The following CPPED1 variants were observed in gnomAD, a reference collection of about 807,000 sequenced individuals.
The protein encoded by CPPED1 is serine/threonine-protein phosphatase CPPED1.
A neutral mutation model predicts 28.0 loss-of-function variants in CPPED1; 28 were observed. That is an observed-to-expected ratio of 1.00 (90% confidence interval 0.74 to 1.37). The LOEUF (loss-of-function observed/expected upper bound fraction) is 1.37, where lower values mean the gene tolerates loss of function less well. CPPED1 is among the 40% of genes most tolerant of loss of function. The pLI is 0.00. For synonymous variants in CPPED1, 198 were observed against 180.2 expected (o/e 1.10, Z -0.79); for missense variants, 504 against 416.5 (o/e 1.21, Z -1.83).
chr16:12,761,793 T>C (rs1203087238), intron 2 of CPPED1, among the ~76,000 whole-genome samples: 1 of 152,134 alleles, frequency 6.6e-6, no homozygotes, highest in Admixed American at 6.5e-5. Context: ...GGCGGATCAC[T>C]TGAAATCAGG....
At chr16:12,706,141 G>T (rs2080049039) in intron 2 of CPPED1, among the ~76,000 whole-genome samples, 1 of 151,986 alleles carries the variant, frequency 6.6e-6, no homozygotes, top group African/African-American at 2.4e-5. Flanking sequence ...CTATATTAAT[G>T]CTATGAGAAA....
intron 3 of CPPED1, among the ~76,000 whole-genome samples, chr16:12,671,401 G>C (rs1045446093): frequency 6.6e-6 from 1 of 151,988 alleles, no homozygotes; most frequent in African/African-American, 2.4e-5. Context: ...AGAGGGGTAA[G>C]GGAAAGAAAA....
chr16:12,707,444 G>A (rs999976069), intron 2 of CPPED1, among the ~76,000 whole-genome samples: 40 of 152,252 alleles, frequency 2.6e-4, no homozygotes, highest in Middle Eastern at 3.4e-3. Context: ...ACAGTGTCCT[G>A]GTCACAAACT....
chr16:12,700,229 A>C (rs1282225682), intron 3 of CPPED1, among the ~76,000 whole-genome samples: 1 of 152,192 alleles, frequency 6.6e-6, no homozygotes, highest in African/African-American at 2.4e-5. Context: ...CCAGTGGCCA[A>C]GAAGAGGTAG....
chr16:12,702,824 CTA>C (rs1454540028), intron 3 of CPPED1, among the ~76,000 whole-genome samples: 1 of 151,910 alleles, frequency 6.6e-6, no homozygotes, highest in East Asian at 1.9e-4. Flanking sequence ...CATGGTGAAA[CTA>C]AACCTGGCCA....
chr16:12,755,179 T>C (rs986099704), intron 2 of CPPED1, among the ~76,000 whole-genome samples: 4 of 152,126 alleles, frequency 2.6e-5, no homozygotes, highest in Non-Finnish European at 5.9e-5. Context: ...CCTTCTGGCA[T>C]TGGAATTGCA....
chr16:12,697,155 G>A (rs1265964648), intron 3 of CPPED1, among the ~76,000 whole-genome samples: 2 of 152,100 alleles, frequency 1.3e-5, no homozygotes, highest in East Asian at 3.9e-4. Context: ...CTCCCAAGTA[G>A]CTAGGACTAC....
chr16:12,801,486 A>G (rs1449667741), intron 1 of CPPED1, among the ~76,000 whole-genome samples: 1 of 151,886 alleles, frequency 6.6e-6, no homozygotes, highest in Non-Finnish European at 1.5e-5. Context: ...GTAACAGGGA[A>G]CTCTCATATA....
At chr16:12,671,648 C>T (rs913960279) in intron 3 of CPPED1, among the ~76,000 whole-genome samples, 37 of 152,306 alleles carry the variant, frequency 2.4e-4, no homozygotes, top group African/African-American at 8.4e-4. Flanking sequence ...GAAACAGCTA[C>T]AGTCACGTGC....
chr16:12,755,191 C>A (rs2080357260), intron 2 of CPPED1, among the ~76,000 whole-genome samples: 1 of 151,686 alleles, frequency 6.6e-6, no homozygotes, highest in South Asian at 2.1e-4. Context: ...GGAATTGCAT[C>A]ATTTTTATGA....
intron 3 of CPPED1, among the ~76,000 whole-genome samples, chr16:12,666,612 G>C (rs1485678442): frequency 6.6e-6 from 1 of 152,162 alleles, no homozygotes; most frequent in African/African-American, 2.4e-5. Context: ...AAGTTGCCAA[G>C]GTGATGTCAC....
chr16:12,785,244 T>C (rs1238075204), intron 1 of CPPED1, among the ~76,000 whole-genome samples: 2 of 152,152 alleles, frequency 1.3e-5, no homozygotes, highest in African/African-American at 4.8e-5. Context: ...TGAAAGTGAA[T>C]TGTGTTTTTT....
chr16:12,773,026 C>T (rs1024677009), intron 2 of CPPED1, among the ~76,000 whole-genome samples: 2 of 152,186 alleles, frequency 1.3e-5, no homozygotes, highest in African/African-American at 4.8e-5. Context: ...GTTTTGCCAC[C>T]AGCTTAGTTT....
intron 2 of CPPED1, among the ~76,000 whole-genome samples, chr16:12,708,249 TG>T (rs1326712884): frequency 6.6e-6 from 1 of 152,082 alleles, no homozygotes. Context: ...GAGTCACAGG[TG>T]CTGAGGTGGA....
intron 2 of CPPED1, among the ~76,000 whole-genome samples, chr16:12,762,811 T>C (rs953931499): frequency 3.9e-5 from 6 of 152,028 alleles, no homozygotes; most frequent in African/African-American, 1.4e-4. Context: ...TGGCACAATA[T>C]CAGCTAACTG....
chr16:12,747,151 C>T (rs111431443), intron 2 of CPPED1, among the ~76,000 whole-genome samples: 13 of 151,888 alleles, frequency 8.6e-5, no homozygotes, highest in African/African-American at 1.9e-4. Flanking sequence ...TCAATAAGGC[C>T]GGGCATGGTG....
Position 12,661,276 on chromosome 16 carries a change from T to A in CPPED1, c.*3610A>T, listed in dbSNP as rs1460017128. The A allele has an allele frequency of 6.6e-6, 1 of 152,218 alleles. No homozygotes were observed. Among genetic ancestry groups the A allele is most frequent in the African/African-American group, 2.4e-5 (1 of 41,448 alleles). The allele number at this position is 152,218 out of a possible 1,614,324, so 9.4% of individuals were successfully genotyped here. A position where few individuals can be genotyped will look rare whatever the true frequency, so the allele number is the denominator to read the frequency against. On this transcript the variant is annotated 3_prime_UTR_variant, in exon 4 of 4. Coordinates refer to ENST00000381774, the MANE Select transcript of CPPED1 (RefSeq NM_018340.3). ...AGGTATATAAGGTCAATGGCCCTAG[T>A]CTAATTCAGATTTAAACTAGTGCTT... is the stretch of plus-strand genomic sequence containing the variant.
chr16:12,763,871 T>C (rs973493578), intron 2 of CPPED1, among the ~76,000 whole-genome samples: 3 of 152,262 alleles, frequency 2.0e-5, no homozygotes, highest in African/African-American at 7.2e-5. Flanking sequence ...GTTTCTGCCA[T>C]TGAAAGTAAT....
intron 1 of CPPED1, 127 bp from the exon 2 acceptor site, chr16:12,781,530 G>T: frequency 2.6e-6 from 2 of 782,430 alleles, no homozygotes; most frequent in Non-Finnish European, 4.0e-6. Flanking sequence ...AATAAGCTGT[G>T]GTTCAAACAT....
Sources: gnomAD v4.1 joint callset for allele counts (sites outside exome capture counted in the v4.1 genomes callset) on GRCh38, gnomAD v4.1.1 for gene constraint, MANE v1.5 for transcripts, NCBI Gene and HGNC (gene_info 2026-07-23, HGNC 2026-07-21) for gene names.